The following PHACTR2 variants were observed in gnomAD, a reference collection of about 807,000 sequenced individuals.
The protein encoded by PHACTR2 is chromosome 6 open reading frame 56.
PHACTR2 carries 30 observed loss-of-function variants against 76.0 expected under a neutral mutation model. The ratio of observed to expected loss-of-function variants is 0.39; its 90% CI spans 0.30 to 0.54. The LOEUF (loss-of-function observed/expected upper bound fraction) is 0.54, where lower values mean the gene tolerates loss of function less well. PHACTR2 is among the 20% of genes least tolerant of loss of function. PHACTR2 has a pLI of 0.61. For synonymous variants in PHACTR2, 292 were observed against 292.5 expected, an observed-to-expected ratio of 1.00 and a Z score of 0.02; for missense variants, 696 against 781.1, an observed-to-expected ratio of 0.89 and a Z score of 1.30.
At chr6:143,538,734 T>C (rs1403947439) in intron 1 of PHACTR2, among the ~76,000 whole-genome samples, 1 of 152,272 alleles carries the variant, frequency 6.6e-6, no homozygotes, top group Non-Finnish European at 1.5e-5. Context: ...TGTCTTCTTA[T>C]TCTTGTCATA....
intron 10 of PHACTR2, among the ~76,000 whole-genome samples, chr6:143,785,059 C>T (rs1404835108): frequency 4.6e-5 from 7 of 152,186 alleles, no homozygotes; most frequent in Admixed American, 4.6e-4. Flanking sequence ...GCCTTCCCAA[C>T]AGTCCACCAA....
chr6:143,575,234 G>A (rs1033496524), intron 1 of PHACTR2, among the ~76,000 whole-genome samples: 2 of 152,034 alleles, frequency 1.3e-5, no homozygotes, highest in African/African-American at 4.8e-5. Flanking sequence ...ATTTCTATCC[G>A]TGGTTCATAG....
chr6:143,808,127 A>ATT (rs35192258), intron 12 of PHACTR2, among the ~76,000 whole-genome samples: 31 of 130,388 alleles, frequency 2.4e-4, no homozygotes, highest in African/African-American at 4.4e-4. Context: ...ACAATCCAAA[A>ATT]TTTTTTTTTT....
Position 143,818,985 on chromosome 6 carries a change from G to GAAA in PHACTR2, c.1923-4687_1923-4685dup. 6.6e-6 allele frequency among the ~76,000 whole-genome samples: 1 copy of GAAA among 152,258 alleles called. No homozygotes were observed. The highest frequency in any genetic ancestry group is 2.4e-5 in the African/African-American group (1 of 41,548). ...TTCAGGTTGTGGTTGACTCTTCCTA[G>GAAA]AAAACATTTTGGAATGTCCTGTCAG... On this transcript the variant is annotated intron_variant, in intron 12 of 12. Coordinates refer to ENST00000440869, the MANE Select transcript of PHACTR2 (RefSeq NM_001100164.2). The surrounding 1 kb of genome is among the most constrained non-coding windows in gnomAD (Gnocchi z 4.9).
chr6:143,604,577 G>A (rs957641391), upstream of PHACTR2, among the ~76,000 whole-genome samples: 21 of 152,008 alleles, frequency 1.4e-4, no homozygotes, highest in South Asian at 2.1e-4. Context: ...AGAGCTTCTC[G>A]TAGGAAAGTT....
At chr6:143,815,426 TAAATA>T (rs1218868782) in intron 12 of PHACTR2, among the ~76,000 whole-genome samples, 1 of 151,862 alleles carries the variant, frequency 6.6e-6, no homozygotes, top group Non-Finnish European at 1.5e-5. Context: ...TTAAAATAAA[TAAATA>T]AATAAATAAA....
At position 143,570,746 on chromosome 6, in the gene PHACTR2, A is replaced by G. The variant is rs548529035; in HGVS notation, c.217+33539A>G. Among the ~76,000 whole-genome samples, 3 of 152,294 alleles carry G rather than the reference A, an allele frequency of 2.0e-5. No individual in the cohort carries two copies. Among genetic ancestry groups the G allele is most frequent in the African/African-American group, 7.2e-5 (3 of 41,564 alleles). On this transcript the variant is annotated intron_variant, in intron 1 of 11. Transcript: ENST00000367584. This position sits in a 1 kb window ranked among gnomAD's most constrained non-coding sequence, Gnocchi z 4.6. ...GAGGTGCATGTGCAAGTGGAGAAGT[A>G]GCAGGTTCATCGACTCGTTCTGGTA...
chr6:143,685,226 G>T (rs183412060), intron 1 of PHACTR2, among the ~76,000 whole-genome samples: 14 of 151,994 alleles, frequency 9.2e-5, no homozygotes, highest in Admixed American at 8.5e-4. Flanking sequence ...TCTAGCTTAA[G>T]ATGAATAGAT....
In PHACTR2 at chr6:143,595,135, G is replaced by A. The variant is rs2128434994; in HGVS notation, c.217+57928G>A. 6.6e-6 allele frequency among the ~76,000 whole-genome samples: 1 copy of A among 152,284 alleles called. No homozygotes were observed. Among genetic ancestry groups the A allele is most frequent in the Non-Finnish European group, 1.5e-5 (1 of 68,022 alleles). ...AGAACAAATTTAGACACCTTCATAA[G>A]GTGTGACGCATTTGATGCAAAATAT... is the stretch of plus-strand genomic sequence containing the variant. On this transcript the variant is annotated intron_variant, in intron 1 of 11. Coordinates refer to the PHACTR2 transcript ENST00000367584. This position sits in a 1 kb window ranked among gnomAD's most constrained non-coding sequence, Gnocchi z 4.2.
At chr6:143,636,497 T>G (rs1225144218) in intron 1 of PHACTR2, among the ~76,000 whole-genome samples, 1 of 152,182 alleles carries the variant, frequency 6.6e-6, no homozygotes. Flanking sequence ...GAGTAGCCAA[T>G]AAATCACTTA....
At chr6:143,797,907 T>A (rs984290391) in intron 11 of PHACTR2, among the ~76,000 whole-genome samples, 5 of 152,048 alleles carry the variant, frequency 3.3e-5, no homozygotes, top group African/African-American at 4.8e-5. Context: ...ATATGAGGTT[T>A]AAAGTAGTTT....
At chr6:143,567,782 T>C (rs190879554) in intron 1 of PHACTR2, among the ~76,000 whole-genome samples, 1 of 152,358 alleles carries the variant, frequency 6.6e-6, no homozygotes, top group Non-Finnish European at 1.5e-5. Flanking sequence ...TCCCTCTGTG[T>C]TGTTTGCTCT....
Position 143,654,069 on chromosome 6 carries a change from C to T in PHACTR2, c.13+45747C>T, listed in dbSNP as rs947694703. On this transcript the variant is annotated intron_variant, in intron 1 of 11. Coordinates refer to the PHACTR2 transcript ENST00000305766. This position sits in a 1 kb window ranked among gnomAD's most constrained non-coding sequence, Gnocchi z 4.6. Reference sequence around the variant, plus strand: ...GCAAAGGATTTGAAAAGACATTTCTCCAAAGAAGATATTCAGATATCTAAT... The same window carrying T: ...GCAAAGGATTTGAAAAGACATTTCTTCAAAGAAGATATTCAGATATCTAAT... 6.6e-6 allele frequency among the ~76,000 whole-genome samples: 1 copy of T among 152,150 alleles called. No homozygotes were observed. The highest frequency in any genetic ancestry group is 2.4e-5 in the African/African-American group (1 of 41,442).
Position 143,585,512 on chromosome 6 carries a change from G to A in PHACTR2, c.217+48305G>A, listed in dbSNP as rs1582685194. 6.6e-6 allele frequency among the ~76,000 whole-genome samples: 1 copy of A among 152,170 alleles called. No individual in the cohort carries two copies. The highest frequency in any genetic ancestry group is 1.5e-5 in the Non-Finnish European group (1 of 68,030). On this transcript the variant is annotated intron_variant, in intron 1 of 11. Transcript: ENST00000367584. This position sits in a 1 kb window ranked among gnomAD's most constrained non-coding sequence, Gnocchi z 5.2. Reference sequence around the variant, plus strand: ...TAAGGAACTGGATTCAGAAACAAGAGCTGCCAGTGCCGCATACCAAGCAGG... The same window carrying A: ...TAAGGAACTGGATTCAGAAACAAGAACTGCCAGTGCCGCATACCAAGCAGG...
intron 1 of PHACTR2, among the ~76,000 whole-genome samples, chr6:143,670,351 T>A (rs1285165003): frequency 6.6e-6 from 1 of 152,170 alleles, no homozygotes. Context: ...AGTGTCTTTG[T>A]GGTGTTCTCT....
At chr6:143,620,678 C>T (rs1233718245) in intron 1 of PHACTR2, among the ~76,000 whole-genome samples, 5 of 151,774 alleles carry the variant, frequency 3.3e-5, no homozygotes, top group Admixed American at 1.3e-4. Flanking sequence ...CATATAAAAT[C>T]CATGTCTGCT....
intron 12 of PHACTR2, among the ~76,000 whole-genome samples, chr6:143,812,947 A>C (rs1432108610): frequency 6.6e-6 from 1 of 152,252 alleles, no homozygotes; most frequent in Admixed American, 6.5e-5. Flanking sequence ...ATTTTACTTA[A>C]GTTCTAAACT....
At chr6:143,545,479 G>A (rs1240294117) in intron 1 of PHACTR2, among the ~76,000 whole-genome samples, 1 of 152,200 alleles carries the variant, frequency 6.6e-6, no homozygotes, top group East Asian at 1.9e-4. Context: ...GCAGAAGGAA[G>A]TGCACTCATG....
Position 143,679,417 on chromosome 6 carries a change from G to C in PHACTR2, c.46+1208G>C, listed in dbSNP as rs1310298551. ...ACCTCATGTTGACAGCTTTTTGAGA[G>C]ATATTTGCGGGGAGGGGTTGAGTAG... On this transcript the variant is annotated intron_variant, in intron 1 of 12. Transcript: ENST00000440869. This position sits in a 1 kb window ranked among gnomAD's most constrained non-coding sequence, Gnocchi z 4.6. Among the ~76,000 whole-genome samples the C allele has an allele frequency of 6.6e-6, 1 of 152,178 alleles. No homozygotes were observed. The highest frequency in any genetic ancestry group is 1.5e-5 in the Non-Finnish European group (1 of 68,026).
Sources: gnomAD v4.1 joint callset for allele counts (sites outside exome capture counted in the v4.1 genomes callset) on GRCh38, gnomAD v4.1.1 for gene constraint, Gnocchi (gnomAD v3.1) non-coding constraint, MANE v1.5 for transcripts, NCBI Gene and HGNC (gene_info 2026-07-23, HGNC 2026-07-21) for gene names.